The following TUSC3 variants were observed in gnomAD, a reference collection of about 807,000 sequenced individuals.
TUSC3 encodes the protein dolichyl-diphosphooligosaccharide--protein glycosyltransferase subunit TUSC3.
Under a neutral mutation model 44.8 loss-of-function variants are expected in TUSC3, and 45 were observed. The observed-to-expected ratio is 1.00, with a 90% CI of 0.79 to 1.29. The LOEUF is 1.29. Ranked by LOEUF, TUSC3 falls within the 50% of genes most tolerant of loss-of-function variation. The pLI is 0.00. For missense variants in TUSC3, 519 were observed against 437.9 expected (o/e 1.19, Z -1.65); for synonymous variants, 212 against 152.9 (o/e 1.39, Z -2.85).
the TUSC3 span, among the ~76,000 whole-genome samples, chr8:15,795,181 C>A: frequency 1.3e-5 from 2 of 152,154 alleles, no homozygotes; most frequent in Non-Finnish European, 2.9e-5. Flanking sequence ...AAACAAATCC[C>A]ATAAACCATC....
chr8:15,659,444 G>A (rs1807321985), intron 3 of TUSC3, 63 bp from the exon 4 acceptor site: 2 of 1,575,848 alleles, frequency 1.3e-6, no homozygotes, highest in East Asian at 2.3e-5. Context: ...CAGAAAAAGT[G>A]TAAAATATTG....
intron 2 of TUSC3, among the ~76,000 whole-genome samples, chr8:15,495,326 T>A (rs1009768070): frequency 6.6e-6 from 1 of 152,182 alleles, no homozygotes; most frequent in African/African-American, 2.4e-5. Context: ...ATGTGATAGA[T>A]CACACCTGAC....
In TUSC3 at chr8:15,611,340, C is replaced by T. The variant is rs1406911764; in HGVS notation, c.139-11740C>T. ...TAGCTGAGATTACAGGCACCTGCCA[C>T]ACATCCAGCTAATTTTTGTATTTTT... is the stretch of plus-strand genomic sequence containing the variant. On this transcript the variant is annotated intron_variant, in intron 1 of 10. Transcript: ENST00000503731. Among the ~76,000 whole-genome samples, 2 of 152,106 alleles carry T rather than the reference C, an allele frequency of 1.3e-5. 1 individual carries two copies. The highest frequency in any genetic ancestry group is 1.3e-4 in the Admixed American group (2 of 15,264).
chr8:15,635,189 A>T (rs1024464094), intron 2 of TUSC3, among the ~76,000 whole-genome samples: 1 of 152,212 alleles, frequency 6.6e-6, no homozygotes, highest in Non-Finnish European at 1.5e-5. Flanking sequence ...AAATTTTTCA[A>T]AATAGATCTG....
chr8:15,821,388 A>T, the TUSC3 span, among the ~76,000 whole-genome samples: 1 of 107,844 alleles, frequency 9.3e-6, no homozygotes, highest in Non-Finnish European at 2.0e-5. Context: ...ATTGGGGAGT[A>T]GTCCTGTTTG....
the TUSC3 span, among the ~76,000 whole-genome samples, chr8:15,783,055 A>C: frequency 6.6e-6 from 1 of 152,244 alleles, no homozygotes; most frequent in Non-Finnish European, 1.5e-5. Context: ...CCATTTCCAT[A>C]CACTAACAAT....
chr8:15,717,773 G>A (rs948266053), intron 6 of TUSC3, among the ~76,000 whole-genome samples: 1 of 151,852 alleles, frequency 6.6e-6, no homozygotes, highest in Non-Finnish European at 1.5e-5. Flanking sequence ...TTATTAATTT[G>A]TGATCTGCTG....
At chr8:15,529,550 AAC>A (rs1801424153) in intron 2 of TUSC3, among the ~76,000 whole-genome samples, 1 of 152,154 alleles carries the variant, frequency 6.6e-6, no homozygotes, top group Non-Finnish European at 1.5e-5. Flanking sequence ...ATTTTTAGAA[AAC>A]AGTCATTATA....
intron 7 of TUSC3, among the ~76,000 whole-genome samples, chr8:15,741,718 T>C (rs1328449711): frequency 1.3e-5 from 2 of 151,966 alleles, no homozygotes; most frequent in African/African-American, 4.8e-5. Flanking sequence ...TAAAAAGTCA[T>C]AGTAAAATAA....
chr8:15,807,265 G>A, the TUSC3 span: 1 of 602,690 alleles, frequency 1.7e-6, no homozygotes, highest in Non-Finnish European at 3.0e-6. Context: ...ATCTTTGCTT[G>A]TCTAAAGATG....
chr8:15,767,289 C>G (rs1812359340), downstream of TUSC3, among the ~76,000 whole-genome samples: 1 of 152,030 alleles, frequency 6.6e-6, no homozygotes. Context: ...AACAAAGCAT[C>G]TCACCTTCCG....
chr8:15,562,020 G>A (rs531790047), intron 1 of TUSC3, among the ~76,000 whole-genome samples: 1 of 152,156 alleles, frequency 6.6e-6, no homozygotes, highest in Non-Finnish European at 1.5e-5. Flanking sequence ...GGCCATCTTG[G>A]CTCCTCTCTT....
chr8:15,753,829 A>C (rs1811810280), intron 9 of TUSC3, among the ~76,000 whole-genome samples: 1 of 152,084 alleles, frequency 6.6e-6, no homozygotes, highest in African/African-American at 2.4e-5. Flanking sequence ...GGGAAAGCAA[A>C]TATATATCTA....
chr8:15,577,996 G>T (rs1306793506), intron 1 of TUSC3, among the ~76,000 whole-genome samples: 1 of 149,422 alleles, frequency 6.7e-6, no homozygotes, highest in Non-Finnish European at 1.5e-5. Flanking sequence ...TCCTTGAGCA[G>T]TGGTTTGTAG....
At chr8:15,784,715 A>C in the TUSC3 span, among the ~76,000 whole-genome samples, 1 of 152,160 alleles carries the variant, frequency 6.6e-6, no homozygotes, top group Admixed American at 6.5e-5. Flanking sequence ...AGAAGAGTCA[A>C]ACCCATCGAA....
intron 6 of TUSC3, among the ~76,000 whole-genome samples, chr8:15,720,877 T>G (rs1312194358): frequency 6.6e-6 from 1 of 152,118 alleles, no homozygotes; most frequent in Non-Finnish European, 1.5e-5. Flanking sequence ...ACAAATATGT[T>G]AAAAGGTTCC....
chr8:15,483,258 A>G (rs1435503692), intron 1 of TUSC3: 1 of 169,898 alleles, frequency 5.9e-6, no homozygotes, highest in Admixed American at 5.8e-5. Flanking sequence ...CTTAAGCAAC[A>G]TGGGTTATTA....
At chr8:15,793,222 C>T in the TUSC3 span, among the ~76,000 whole-genome samples, 8 of 152,202 alleles carry the variant, frequency 5.3e-5, no homozygotes, top group Admixed American at 5.2e-4. Context: ...TCCAATCATC[C>T]ATCATTTCAG....
chr8:15,782,990 T>G, the TUSC3 span, among the ~76,000 whole-genome samples: 11 of 152,258 alleles, frequency 7.2e-5, no homozygotes, highest in Admixed American at 7.2e-4. Context: ...AAAAAAACCG[T>G]TATAACTAAT....
Sources: allele counts gnomAD v4.1 joint callset (sites outside exome capture counted in the v4.1 genomes callset), GRCh38; gene constraint gnomAD v4.1.1; transcripts MANE v1.5; gene names NCBI Gene and HGNC (gene_info 2026-07-23, HGNC 2026-07-21).